The following BICD2 variants were observed in gnomAD, a reference collection of about 807,000 sequenced individuals.
BICD2 encodes the protein protein bicaudal D homolog 2.
In BICD2, 25 loss-of-function variants were observed where a neutral mutation model predicts 72.9. That is an observed-to-expected ratio of 0.34 (90% confidence interval 0.25 to 0.48). The LOEUF (loss-of-function observed/expected upper bound fraction) is 0.48. Ranked by LOEUF, BICD2 falls within the 20% of genes least tolerant of loss-of-function variation. BICD2 has a pLI of 0.99. For synonymous variants in BICD2, 501 were observed against 516.1 expected, an observed-to-expected ratio of 0.97 and a Z score of 0.40; for missense variants, 894 against 1,175.2, an observed-to-expected ratio of 0.76 and a Z score of 3.50.
rs1005366519 is a variant in BICD2 at position 92,731,922 on chromosome 9, C to A, written c.241-2686G>T. On this transcript the variant is annotated intron_variant, in intron 1 of 6. Transcript: ENST00000356884. ...ACTCCCAGGGCCTGAAAAAATTAGT[C>A]TGGATTAAATCTGCTCTGATACCAC... Among the ~76,000 whole-genome samples, 2 of 152,232 alleles carry A rather than the reference C, an allele frequency of 1.3e-5. 1 individual carries two copies. Among genetic ancestry groups the A allele is most frequent in the Admixed American group, 1.3e-4 (2 of 15,282 alleles).
At chr9:92,747,993 T>C (rs949655959) in intron 1 of BICD2, among the ~76,000 whole-genome samples, 1 of 152,310 alleles carries the variant, frequency 6.6e-6, no homozygotes, top group East Asian at 1.9e-4. Flanking sequence ...AATATGAATA[T>C]GGCTGCATAT....
intron 2 of BICD2, among the ~76,000 whole-genome samples, chr9:92,726,751 G>A (rs1853575918): frequency 6.6e-6 from 1 of 152,094 alleles, no homozygotes. Context: ...AAGGCTGAGG[G>A]GTGTGCAGGG....
intron 1 of BICD2, among the ~76,000 whole-genome samples, chr9:92,761,884 T>C (rs188790679): frequency 2.3e-4 from 35 of 152,314 alleles, no homozygotes; most frequent in African/African-American, 7.7e-4. Flanking sequence ...CCCACCTCAC[T>C]TGTGGTCTCA....
chr9:92,736,591 T>C lies in BICD2; in HGVS notation c.241-7355A>G, dbSNP rs557164513. Among the ~76,000 whole-genome samples, 21 of 152,394 alleles carry C rather than the reference T, an allele frequency of 1.4e-4. No individual in the cohort carries two copies. The East Asian group carries it at 3.9e-3, about 28-fold the overall frequency. On this transcript the variant is annotated intron_variant, in intron 1 of 6. Coordinates refer to ENST00000356884, the MANE Select transcript of BICD2 (RefSeq NM_001003800.2). ...GCAGCTCAAGTCACTGTTCTGCCTATGGAGTAGCAATTCTTTATTCCTTTA... is the reference window on the plus strand; with the variant it reads ...GCAGCTCAAGTCACTGTTCTGCCTACGGAGTAGCAATTCTTTATTCCTTTA...
intron 1 of BICD2, among the ~76,000 whole-genome samples, chr9:92,754,437 A>G (rs1248382757): frequency 1.3e-5 from 2 of 152,242 alleles, no homozygotes; most frequent in African/African-American, 4.8e-5. Context: ...CTGTTCCCTC[A>G]TATATCAATC....
Position 92,764,794 on chromosome 9 carries a change from C to A in BICD2, c.-50G>T, listed in dbSNP as rs1854449935. ...CCACTGAGGCTCTCGCAGGCCGGGC[C>A]CTCCTCAGCCGCCGCCGCTGCCGCC... is the stretch of plus-strand genomic sequence containing the variant. On this transcript the variant is annotated 5_prime_UTR_variant, in exon 1 of 7. Transcript: ENST00000356884. This position sits in a 1 kb window ranked among gnomAD's most constrained non-coding sequence, Gnocchi z 5.5. The A allele has an allele frequency of 7.6e-7, 1 of 1,309,778 alleles. No homozygotes were observed. The allele number at this position is 1,309,778 out of a possible 1,614,324, so 81.1% of individuals were successfully genotyped here. A position where few individuals can be genotyped will look rare whatever the true frequency, so the allele number is the denominator to read the frequency against.
intron 4 of BICD2, among the ~76,000 whole-genome samples, 197 bp from the exon 5 acceptor site, chr9:92,719,779 A>G (rs1199869758): frequency 1.3e-5 from 2 of 152,242 alleles, no homozygotes; most frequent in Non-Finnish European, 2.9e-5. Context: ...CTGGGCCCTC[A>G]GAACACTAAC....
In BICD2 at chr9:92,711,733, T is replaced by C. The variant is rs1230059315; in HGVS notation, c.*3421A>G. The C allele has an allele frequency of 6.6e-6, 1 of 152,608 alleles. No individual in the cohort carries two copies. The highest frequency in any genetic ancestry group is 2.4e-5 in the African/African-American group (1 of 41,456). 9.5% of individuals were successfully genotyped at this position (152,608 alleles called of 1,614,324 possible). On this transcript the variant is annotated 3_prime_UTR_variant, in exon 7 of 7. Coordinates refer to ENST00000356884, the MANE Select transcript of BICD2 (RefSeq NM_001003800.2). ...AAGTTATCTCAAATGTAACAATATT[T>C]CTTATGAATCAACACTGTAACGGAA...
At position 92,715,018 on chromosome 9, in the gene BICD2, C is replaced by A; in HGVS notation, c.*136G>T. 7.0e-7 allele frequency: 1 copy of A among 1,427,740 alleles called. No individual in the cohort carries two copies. The highest frequency in any genetic ancestry group is 9.2e-7 in the Non-Finnish European group (1 of 1,090,528). The allele number at this position is 1,427,740 out of a possible 1,614,324, so 88.4% of individuals were successfully genotyped here. ...CACAAGTGTCCTGCTGATGCAACGC[C>A]CCATGGCGCCTCGGCTAGACTCCTA... On this transcript the variant is annotated 3_prime_UTR_variant, in exon 7 of 7. Transcript: ENST00000356884.
intron 1 of BICD2, among the ~76,000 whole-genome samples, chr9:92,736,962 T>A (rs1219751524): frequency 6.6e-6 from 1 of 152,020 alleles, no homozygotes; most frequent in African/African-American, 2.4e-5. Flanking sequence ...GCAGTAAGGA[T>A]CCTGTCCAAC....
Position 92,714,920 on chromosome 9 carries a change from C to A in BICD2, c.*234G>T. ...GCAGCTCTATCCCCACCTCTGACCC[C>A]CACCTAAGAGAGCAGCTGAGGACTG... is the stretch of plus-strand genomic sequence containing the variant. On this transcript the variant is annotated 3_prime_UTR_variant, in exon 7 of 7. Transcript: ENST00000356884. The A allele has an allele frequency of 3.0e-6, 4 of 1,352,376 alleles. No individual in the cohort carries two copies. In the South Asian group the frequency reaches 7.7e-5, roughly 26 times the overall value. The allele number at this position is 1,352,376 out of a possible 1,614,324, so 83.8% of individuals were successfully genotyped here. A position where few individuals can be genotyped will look rare whatever the true frequency, so the allele number is the denominator to read the frequency against.
At chr9:92,758,369 T>C (rs960923038) in intron 1 of BICD2, among the ~76,000 whole-genome samples, 13 of 149,170 alleles carry the variant, frequency 8.7e-5, no homozygotes, top group Non-Finnish European at 1.6e-4. Context: ...CTGGCTAACA[T>C]GGAGAAACCT....
Position 92,758,938 on chromosome 9 carries a change from G to A in BICD2, c.240+5567C>T, listed in dbSNP as rs188062511. ...CTTTGCAGGCCAAGGCGGGAGGATC[G>A]CTCAAGCCCAGGAGTTCAAGAGCAG... is the stretch of plus-strand genomic sequence containing the variant. On this transcript the variant is annotated intron_variant, in intron 1 of 6. Transcript: ENST00000356884. 1.6e-4 allele frequency among the ~76,000 whole-genome samples: 24 copies of A among 151,800 alleles called. No individual in the cohort carries two copies. The East Asian group carries it at 2.9e-3, about 18-fold the overall frequency.
At chr9:92,735,129 G>T (rs911824007) in intron 1 of BICD2, among the ~76,000 whole-genome samples, 1 of 152,208 alleles carries the variant, frequency 6.6e-6, no homozygotes, top group Non-Finnish European at 1.5e-5. Flanking sequence ...CACTGGGTGA[G>T]CCTGGGTGTG....
intron 1 of BICD2, among the ~76,000 whole-genome samples, chr9:92,740,328 T>C (rs1011251385): frequency 6.6e-6 from 1 of 152,296 alleles, no homozygotes; most frequent in Middle Eastern, 3.4e-3. Context: ...AAGTTTTCTG[T>C]AAATCTGAAA....
intron 1 of BICD2, among the ~76,000 whole-genome samples, chr9:92,731,201 C>G (rs902629450): frequency 6.6e-6 from 1 of 152,212 alleles, no homozygotes; most frequent in Non-Finnish European, 1.5e-5. Flanking sequence ...GGGTCCAGCA[C>G]ACATGGCTGC....
Position 92,764,520 on chromosome 9 carries a change from C to T in BICD2, c.225G>A (p.Met75Ile). 6.5e-7 allele frequency: 1 copy of T among 1,535,798 alleles called. No homozygotes were observed. Reference protein sequence around the residue: ...EVDYEAIRSEMEQLKEAFGQA... With the variant: ...EVDYEAIRSEIEQLKEAFGQA... ...CTCGGCTCACCTCCTTGAGCTGCTC[C>T]ATCTCGCTGCGGATAGCCTCATAGT... Residue 75 changes from methionine to isoleucine, a missense_variant, in exon 1 of 7, where the codon ATG becomes ATA. Transcript: ENST00000356884. This position sits in a 1 kb window ranked among gnomAD's most constrained non-coding sequence, Gnocchi z 5.5.
chr9:92,725,156 TC>T (rs1254887965), intron 2 of BICD2, among the ~76,000 whole-genome samples: 3 of 152,110 alleles, frequency 2.0e-5, no homozygotes, highest in Non-Finnish European at 4.4e-5. Flanking sequence ...ACCATTAGGG[TC>T]CCCCAGAGGC....
intron 1 of BICD2, among the ~76,000 whole-genome samples, chr9:92,743,723 G>C (rs1212764901): frequency 6.6e-6 from 1 of 152,138 alleles, no homozygotes; most frequent in Non-Finnish European, 1.5e-5. Context: ...TCCTTCTGCT[G>C]CATCGCTGGG....
Sources: allele counts gnomAD v4.1 joint callset (sites outside exome capture counted in the v4.1 genomes callset), GRCh38; gene constraint gnomAD v4.1.1; non-coding constraint Gnocchi (gnomAD v3.1); transcripts MANE v1.5; gene names NCBI Gene and HGNC (gene_info 2026-07-23, HGNC 2026-07-21).